Variants in PCDH11X observed in about 807,000 individuals in gnomAD.
PCDH11X encodes protocadherin-11 X-linked.
PCDH11X carries 18 observed loss-of-function variants against 53.3 expected under a neutral mutation model. The ratio of observed to expected loss-of-function variants is 0.34; its 90% CI spans 0.23 to 0.50. The LOEUF (loss-of-function observed/expected upper bound fraction) is 0.50, where lower values mean the gene tolerates loss of function less well. PCDH11X is among the 20% of genes least tolerant of loss of function. The pLI is 0.98. For synonymous variants in PCDH11X, 279 were observed against 393.3 expected (o/e 0.71, Z 3.44); for missense variants, 570 against 1,032.4 (o/e 0.55, Z 6.14).
chrX:92,131,561 A>G (rs2148196459), intron 6 of PCDH11X, among the ~76,000 whole-genome samples: 1 of 111,768 alleles, frequency 8.9e-6, no homozygotes, highest in African/African-American at 3.2e-5. Context: ...TTATCTCCAC[A>G]CCAACTCAAA....
chrX:92,580,904 G>T (rs1415261384), intron 10 of PCDH11X, among the ~76,000 whole-genome samples: 15 of 110,798 alleles, frequency 1.4e-4, no homozygotes, highest in Non-Finnish European at 9.5e-5. Context: ...GTGGGCCATT[G>T]CTCAACCCTG....
intron 6 of PCDH11X, among the ~76,000 whole-genome samples, chrX:92,184,525 AG>A (rs1172626642): frequency 4.5e-5 from 5 of 111,949 alleles, no homozygotes; most frequent in African/African-American, 1.6e-4. Context: ...GAATAACCAA[AG>A]CAATCTTGAA....
chrX:91,933,828 G>T (rs1317710117), intron 6 of PCDH11X, among the ~76,000 whole-genome samples: 1 of 110,516 alleles, frequency 9.0e-6, no homozygotes, highest in African/African-American at 3.3e-5. Context: ...CATTTTGTTT[G>T]CAATTAGTGT....
At chrX:92,249,440 A>C (rs925060435) in intron 7 of PCDH11X, among the ~76,000 whole-genome samples, 1 of 112,437 alleles carries the variant, frequency 8.9e-6, no homozygotes, top group Non-Finnish European at 1.9e-5. Flanking sequence ...ATCTTTATGC[A>C]AAATTCAAAC....
chrX:92,081,971 T>C (rs2063864393), intron 6 of PCDH11X, among the ~76,000 whole-genome samples: 1 of 111,114 alleles, frequency 9.0e-6, no homozygotes, highest in Non-Finnish European at 1.9e-5. Context: ...TTACATCATT[T>C]ATTTCAATTT....
chrX:92,181,031 G>A (rs2065989336), intron 6 of PCDH11X, among the ~76,000 whole-genome samples: 1 of 111,238 alleles, frequency 9.0e-6, no homozygotes, highest in Non-Finnish European at 1.9e-5. Flanking sequence ...GGAAGAGTTT[G>A]GAGGGCTCAG....
chrX:92,208,086 T>G (rs1481608417), intron 7 of PCDH11X, among the ~76,000 whole-genome samples: 3 of 107,272 alleles, frequency 2.8e-5, no homozygotes, highest in Non-Finnish European at 5.7e-5. Context: ...TCCCAGCTAC[T>G]CAGCAGGCTG....
At chrX:92,084,283 A>G (rs6618849) in intron 6 of PCDH11X, among the ~76,000 whole-genome samples, 31,018 of 108,606 alleles carry the variant, frequency 0.29, 4,818 homozygotes, top group African/African-American at 0.58. Context: ...TGCAGTGGCT[A>G]ACACCTGTAA....
chrX:92,278,806 G>GTTTTTTTTTTTTTT lies in PCDH11X; in HGVS notation c.3144+15672_3144+15685dup, dbSNP rs35000823. On this transcript the variant is annotated intron_variant, in intron 8 of 10. Coordinates refer to ENST00000682573, the MANE Select transcript of PCDH11X (RefSeq NM_032968.5). The stretch of plus-strand genomic sequence containing the variant: ...TCAGAGGCCTGACAGTCTCTTTTCA[G>GTTTTTTTTTTTTTT]TTTTTTTTTTTTTTTTTTTTTTGAG... 3.3e-3 allele frequency among the ~76,000 whole-genome samples: 154 copies of GTTTTTTTTTTTTTT among 47,368 alleles called. 12 individuals are homozygous for GTTTTTTTTTTTTTT. In the East Asian group the frequency reaches 0.055, roughly 17 times the overall value. 41.1% of individuals were successfully genotyped at this position (47,368 alleles called of 115,157 possible). A position where few individuals can be genotyped will look rare whatever the true frequency, so the allele number is the denominator to read the frequency against.
At chrX:92,208,719 C>T (rs945206558) in intron 7 of PCDH11X, among the ~76,000 whole-genome samples, 1 of 104,742 alleles carries the variant, frequency 9.5e-6, no homozygotes, top group East Asian at 3.0e-4. Context: ...GAAATATCCC[C>T]GAAAATGCAA....
intron 10 of PCDH11X, among the ~76,000 whole-genome samples, chrX:92,496,455 T>C (rs2073861306): frequency 9.3e-6 from 1 of 107,322 alleles, no homozygotes; most frequent in South Asian, 3.9e-4. Context: ...AACTCTTAGG[T>C]TTTAGAGCAT....
intron 1 of PCDH11X, among the ~76,000 whole-genome samples, chrX:91,809,002 G>T (rs778624227): frequency 9.6e-6 from 1 of 103,654 alleles, no homozygotes; most frequent in Admixed American, 1.0e-4. Context: ...AAAGTTTATC[G>T]CAAGTAACTT....
At chrX:92,237,202 C>A (rs2067187537) in intron 7 of PCDH11X, among the ~76,000 whole-genome samples, 1 of 109,807 alleles carries the variant, frequency 9.1e-6, no homozygotes, top group Admixed American at 9.8e-5. Context: ...GCAAAATATC[C>A]TTTACTATTT....
intron 5 of PCDH11X, among the ~76,000 whole-genome samples, chrX:91,854,670 C>T (rs1938218857): frequency 8.9e-6 from 1 of 111,924 alleles, no homozygotes; most frequent in Non-Finnish European, 1.9e-5. Flanking sequence ...TTTGTTACCA[C>T]CCGTCTTTTA....
chrX:91,888,293 A>G (rs1276138884), intron 6 of PCDH11X, among the ~76,000 whole-genome samples: 1 of 111,894 alleles, frequency 8.9e-6, no homozygotes, highest in African/African-American at 3.2e-5. Flanking sequence ...CCTTATATGT[A>G]CCAATTATAT....
At chrX:91,983,880 A>T (rs2062187045) in intron 6 of PCDH11X, among the ~76,000 whole-genome samples, 1 of 111,187 alleles carries the variant, frequency 9.0e-6, no homozygotes, top group South Asian at 3.8e-4. Context: ...AAAATTGCTC[A>T]TATTTATAGA....
intron 6 of PCDH11X, among the ~76,000 whole-genome samples, chrX:92,089,610 C>A (rs1243198961): frequency 9.3e-6 from 1 of 107,965 alleles, no homozygotes; most frequent in Non-Finnish European, 1.9e-5. Flanking sequence ...GCAACCTCCT[C>A]CTCCCGGGTT....
chrX:91,789,199 TC>T (rs1935443116), intron 1 of PCDH11X, among the ~76,000 whole-genome samples: 1 of 24,140 alleles, frequency 4.1e-5, no homozygotes, highest in Non-Finnish European at 6.4e-5. Context: ...GGACTCCGTC[TC>T]AAAAAAAAAA....
At chrX:91,829,355 T>C (rs1417517880) in intron 4 of PCDH11X, among the ~76,000 whole-genome samples, 3 of 108,955 alleles carry the variant, frequency 2.8e-5, no homozygotes, top group African/African-American at 6.8e-5. Context: ...TATCCTTATA[T>C]ATAAAACTCA....
Sources: allele counts gnomAD v4.1 joint callset (sites outside exome capture counted in the v4.1 genomes callset), GRCh38; gene constraint gnomAD v4.1.1; transcripts MANE v1.5; gene names NCBI Gene and HGNC (gene_info 2026-07-23, HGNC 2026-07-21).